Variants in TTC17 observed in about 807,000 individuals in gnomAD.
TTC17 encodes the protein tetratricopeptide repeat protein 17.
TTC17 carries 58 observed loss-of-function variants against 143.8 expected under a neutral mutation model. The observed-to-expected ratio is 0.40, with a 90% CI of 0.33 to 0.50. The LOEUF (loss-of-function observed/expected upper bound fraction) is 0.50, where lower values mean the gene tolerates loss of function less well. Ranked by LOEUF, TTC17 falls within the 20% of genes least tolerant of loss-of-function variation. TTC17 has a pLI of 0.49. For synonymous variants in TTC17, 501 were observed against 497.8 expected, an observed-to-expected ratio of 1.01 and a Z score of -0.09; for missense variants, 1,273 against 1,392.5, an observed-to-expected ratio of 0.91 and a Z score of 1.37.
chr11:43,384,183 A>G (rs1272902559), intron 2 of TTC17, among the ~76,000 whole-genome samples: 1 of 152,136 alleles, frequency 6.6e-6, no homozygotes. Context: ...CAAACTTACA[A>G]ATAAAAAAAG....
At chr11:43,481,012 CAAAA>C (rs1182342802) in intron 21 of TTC17, among the ~76,000 whole-genome samples, 1 of 150,224 alleles carries the variant, frequency 6.7e-6, no homozygotes, top group Admixed American at 6.6e-5. Flanking sequence ...ACATCTAAAA[CAAAA>C]AAGTTGGAAA....
intron 21 of TTC17, among the ~76,000 whole-genome samples, chr11:43,461,357 G>A (rs1169956556): frequency 7.5e-6 from 1 of 133,606 alleles, no homozygotes; most frequent in Non-Finnish European, 1.5e-5. Flanking sequence ...GCAGTCCGCA[G>A]TCCGGCCTGG....
intron 15 of TTC17, among the ~76,000 whole-genome samples, chr11:43,411,148 T>C (rs1226557361): frequency 6.6e-6 from 1 of 152,238 alleles, no homozygotes; most frequent in Non-Finnish European, 1.5e-5. Flanking sequence ...TTTGTAATGA[T>C]GTAGAAGGTC....
At chr11:43,481,348 T>C (rs1388550111) in intron 21 of TTC17, among the ~76,000 whole-genome samples, 2 of 152,224 alleles carry the variant, frequency 1.3e-5, no homozygotes, top group East Asian at 3.8e-4. Flanking sequence ...GATATTGGTC[T>C]GTGGTTTTTT....
intron 21 of TTC17, among the ~76,000 whole-genome samples, chr11:43,459,878 ATAACATAAT>A (rs1257834831): frequency 6.6e-6 from 1 of 152,242 alleles, no homozygotes; most frequent in East Asian, 1.9e-4. Context: ...TTTGTTCAAT[ATAACATAAT>A]GCAAGTGTTC....
intron 21 of TTC17, among the ~76,000 whole-genome samples, chr11:43,474,597 G>T (rs758864469): frequency 2.1e-4 from 32 of 152,078 alleles, no homozygotes; most frequent in Non-Finnish European, 4.6e-4. Context: ...ATACCAAGGG[G>T]AATTATCAAG....
rs775588765 is a variant in TTC17, at chr11:43,358,944, G to T, written c.-11G>T. ...CGCTTCCGGTGTGAGCGGCCCGGCC[G>T]GGGGGGCAAGATGGCGGCGGCAGTA... On this transcript the variant is annotated 5_prime_UTR_variant, in exon 1 of 24. Transcript: ENST00000039989. 10 of 1,562,470 alleles carry T rather than the reference G, an allele frequency of 6.4e-6. No individual in the cohort carries two copies. The Admixed American group carries it at 1.5e-4, about 23-fold the overall frequency.
intron 16 of TTC17, chr11:43,436,088 T>C (rs576131471): frequency 8.4e-7 from 1 of 1,197,078 alleles, no homozygotes; most frequent in South Asian, 4.3e-5. Flanking sequence ...CTCTTCTTGA[T>C]ATTTTAGGAC....
chr11:43,404,165 G>A (rs777750475), intron 11 of TTC17, 21 bp downstream of exon 11: 10 of 1,586,968 alleles, frequency 6.3e-6, no homozygotes, highest in Admixed American at 5.5e-5. Context: ...AGAGGATGAC[G>A]AAGCAGTTTT....
In TTC17 at chr11:43,450,228, G is replaced by C. The variant is rs773197499; in HGVS notation, c.2933G>C (p.Ser978Thr). 5.0e-6 allele frequency: 8 copies of C among 1,613,624 alleles called. No individual in the cohort carries two copies. The highest frequency in any genetic ancestry group is 6.8e-6 in the Non-Finnish European group (8 of 1,179,768). ...NRASLHYTGESQLTEVLQNLG... is the reference protein window; with the variant it reads ...NRASLHYTGETQLTEVLQNLG... ...GCCAGCCTGCACTACACAGGGGAGA[G>C]TCAGTTAACAGAGGTGAGTGCTCGG... is the stretch of plus-strand genomic sequence containing the variant. The change falls in exon 20 of 24, where the codon AGT (serine) becomes ACT (threonine). Residue 978 changes from serine to threonine, a missense_variant. Physicochemically the swap from Ser to Thr is moderately conservative, Grantham distance 58. Around this residue, in one of 3 missense-constraint regions of TTC17, gnomAD observed 878 missense variants for 899.8 expected, o/e 0.98. Coordinates refer to ENST00000039989, the MANE Select transcript of TTC17 (RefSeq NM_018259.6).
intron 10 of TTC17, 99 bp downstream of exon 10, chr11:43,401,657 C>G: frequency 1.2e-6 from 1 of 821,268 alleles, no homozygotes; most frequent in South Asian, 1.9e-5. Context: ...TATTTGATCC[C>G]TAAAATTTGT....
At chr11:43,371,363 T>A (rs1856560946) in intron 1 of TTC17, among the ~76,000 whole-genome samples, 1 of 152,190 alleles carries the variant, frequency 6.6e-6, no homozygotes, top group African/African-American at 2.4e-5. Context: ...CAGCTTCAAG[T>A]TGGGGCTCCC....
At chr11:43,371,892 A>G (rs2134454913) in intron 1 of TTC17, among the ~76,000 whole-genome samples, 1 of 152,298 alleles carries the variant, frequency 6.6e-6, no homozygotes, top group South Asian at 2.1e-4. Flanking sequence ...CAAAAGAAAT[A>G]CATATGGCCA....
chr11:43,455,683 A>G (rs567659147), intron 21 of TTC17, among the ~76,000 whole-genome samples: 20 of 152,278 alleles, frequency 1.3e-4, no homozygotes, highest in Non-Finnish European at 2.9e-4. Flanking sequence ...CTCAGTAGAA[A>G]CAGCATCTAA....
At chr11:43,366,998 C>A (rs1416627716) in intron 1 of TTC17, among the ~76,000 whole-genome samples, 1 of 152,188 alleles carries the variant, frequency 6.6e-6, no homozygotes, top group Non-Finnish European at 1.5e-5. Flanking sequence ...ATAAGCTGTT[C>A]TATGTGCTTC....
chr11:43,484,530 A>G (rs1275812990), intron 21 of TTC17, among the ~76,000 whole-genome samples: 1 of 152,202 alleles, frequency 6.6e-6, no homozygotes, highest in Non-Finnish European at 1.5e-5. Context: ...GTTTTCCTCA[A>G]TTTGATTTAT....
At chr11:43,472,399 A>T (rs1295506127) in intron 21 of TTC17, among the ~76,000 whole-genome samples, 1 of 152,210 alleles carries the variant, frequency 6.6e-6, no homozygotes, top group African/African-American at 2.4e-5. Flanking sequence ...TGGTGTAGTT[A>T]TACTAATATC....
At chr11:43,471,129 G>GCGA (rs1948084584) in intron 21 of TTC17, among the ~76,000 whole-genome samples, 1 of 152,174 alleles carries the variant, frequency 6.6e-6, no homozygotes, top group Non-Finnish European at 1.5e-5. Context: ...CATTCAGGAC[G>GCGA]CGACTCAGGC....
rs544240364 is a variant in TTC17 at position 43,460,105 on chromosome 11, AT to A, written c.3030+8853del. On this transcript the variant is annotated intron_variant, in intron 21 of 23. Coordinates refer to ENST00000039989, the MANE Select transcript of TTC17 (RefSeq NM_018259.6). ...CATAATCTTACAGTTAACACCCTGG[AT>A]TTTTTTTTTTTTAACTTCAGAACCT... Among the ~76,000 whole-genome samples the A allele has an allele frequency of 3.2e-3, 462 of 145,772 alleles. 1 individual carries two copies. Among genetic ancestry groups the A allele is most frequent in the Middle Eastern group, 3.5e-3 (1 of 282 alleles).
Sources: allele counts gnomAD v4.1 joint callset (sites outside exome capture counted in the v4.1 genomes callset), GRCh38; gene constraint gnomAD v4.1.1; regional missense constraint gnomAD v4.1.1; transcripts MANE v1.5; gene names NCBI Gene and HGNC (gene_info 2026-07-23, HGNC 2026-07-21).